PDE1C: variants seen among roughly 807,000 people sequenced by gnomAD.
PDE1C encodes phosphodiesterase 1C, also known as dual specificity calcium/calmodulin-dependent 3',5'-cyclic nucleotide phosphodiesterase 1C.
In PDE1C, 62 loss-of-function variants were observed where a neutral mutation model predicts 93.1. That is an observed-to-expected ratio of 0.67 (90% CI 0.54 to 0.82). The LOEUF (loss-of-function observed/expected upper bound fraction) is 0.82, where lower values mean the gene tolerates loss of function less well. PDE1C is among the 40% of genes least tolerant of loss of function. PDE1C has a pLI of 0.00. For missense variants in PDE1C, 742 were observed against 884.6 expected (o/e 0.84, Z 2.04); for synonymous variants, 325 against 310.1 (o/e 1.05, Z -0.50).
chr7:31,686,817 C>T, the PDE1C span: 2 of 152,282 alleles, frequency 1.3e-5, no homozygotes, highest in East Asian at 1.9e-4. Context: ...CATGATAGTA[C>T]TTTGAGAAGC....
intron 7 of PDE1C, among the ~76,000 whole-genome samples, chr7:31,861,347 C>T (rs1384369575): frequency 4.6e-5 from 7 of 152,098 alleles, no homozygotes; most frequent in Admixed American, 4.6e-4. Flanking sequence ...ACTATCTATT[C>T]ACTCTGTCTT....
chr7:31,634,250 G>C, the PDE1C span, among the ~76,000 whole-genome samples: 1 of 152,128 alleles, frequency 6.6e-6, no homozygotes, highest in Non-Finnish European at 1.5e-5. Context: ...GAAGACACTT[G>C]TGTGCTGAAA....
At chr7:32,142,205 G>A (rs1476329031) in intron 3 of PDE1C, among the ~76,000 whole-genome samples, 1 of 151,984 alleles carries the variant, frequency 6.6e-6, no homozygotes, top group Non-Finnish European at 1.5e-5. Context: ...GGAAGGAGGA[G>A]GAAATAGAGG....
In PDE1C at chr7:31,828,662, G is replaced by C. The variant is rs1029118499; in HGVS notation, c.1204-289C>G. Among the ~76,000 whole-genome samples the C allele has an allele frequency of 3.3e-5, 5 of 152,122 alleles. No homozygotes were observed. The East Asian group carries it at 9.7e-4, about 29-fold the overall frequency. On this transcript the variant is annotated intron_variant, in intron 11 of 17. Transcript: ENST00000396191. ...TGGAAAATAAGGCAACAGGCAATAT[G>C]TCTTGTGGCCTGCAGCCAGCACTGC...
chr7:32,391,056 T>G (rs1396862776), intron 1 of PDE1C, among the ~76,000 whole-genome samples: 1 of 151,966 alleles, frequency 6.6e-6, no homozygotes, highest in Non-Finnish European at 1.5e-5. Flanking sequence ...ACATTAAATA[T>G]GAATACATTA....
intron 2 of PDE1C, among the ~76,000 whole-genome samples, chr7:32,194,571 T>C (rs1171869321): frequency 6.6e-6 from 1 of 152,254 alleles, no homozygotes; most frequent in Non-Finnish European, 1.5e-5. Context: ...CTGCATTTTC[T>C]TCATTCTGAA....
chr7:32,084,334 G>T (rs1291260083), intron 3 of PDE1C, among the ~76,000 whole-genome samples: 2 of 150,980 alleles, frequency 1.3e-5, no homozygotes, highest in East Asian at 2.0e-4. Flanking sequence ...CAATACAGGA[G>T]CACCCAGATT....
chr7:32,070,914 G>T (rs148743262), upstream of PDE1C: 1,787 of 985,294 alleles, frequency 1.8e-3, 40 homozygotes, highest in African/African-American at 0.029. Flanking sequence ...TCCGCCCCGC[G>T]CCCAGCGCCC....
At chr7:32,258,563 C>T (rs187343633) in intron 1 of PDE1C, among the ~76,000 whole-genome samples, 1 of 152,282 alleles carries the variant, frequency 6.6e-6, no homozygotes, top group Admixed American at 6.5e-5. Context: ...TGTGCACATG[C>T]CCAGCACAAT....
intron 16 of PDE1C, among the ~76,000 whole-genome samples, chr7:31,776,296 C>T (rs112304475): frequency 5.9e-5 from 9 of 152,260 alleles, no homozygotes; most frequent in South Asian, 2.1e-4. Flanking sequence ...ACAACAATTG[C>T]GTCGAAGTGT....
chr7:31,951,622 G>A (rs1807392656), intron 2 of PDE1C, among the ~76,000 whole-genome samples: 2 of 152,208 alleles, frequency 1.3e-5, no homozygotes, highest in East Asian at 1.9e-4. Context: ...CTCCCTCAGA[G>A]ACAACCACAC....
At chr7:32,333,684 T>G (rs1783556085) in intron 1 of PDE1C, among the ~76,000 whole-genome samples, 2 of 152,192 alleles carry the variant, frequency 1.3e-5, no homozygotes, top group African/African-American at 4.8e-5. Context: ...CTCATATAAA[T>G]GGAGGAAATA....
intron 1 of PDE1C, among the ~76,000 whole-genome samples, chr7:32,327,673 G>A (rs574951347): frequency 2.6e-5 from 4 of 151,738 alleles, no homozygotes; most frequent in African/African-American, 9.7e-5. Context: ...AGGAGGCTGA[G>A]GCAGGAGAAT....
chr7:31,858,240 T>TG (rs1794261973), intron 7 of PDE1C, among the ~76,000 whole-genome samples: 1 of 152,156 alleles, frequency 6.6e-6, no homozygotes, highest in Non-Finnish European at 1.5e-5. Context: ...CCTTTATGGT[T>TG]GGGAGGGACT....
intron 2 of PDE1C, among the ~76,000 whole-genome samples, chr7:32,003,476 CAATGCTTA>C (rs1785748500): frequency 6.6e-6 from 1 of 152,214 alleles, no homozygotes; most frequent in Non-Finnish European, 1.5e-5. Flanking sequence ...CTGTATAGTA[CAATGCTTA>C]TTGTCTTTAA....
chr7:32,019,688 G>T (rs926413518), intron 2 of PDE1C, among the ~76,000 whole-genome samples: 23 of 151,940 alleles, frequency 1.5e-4, no homozygotes, highest in African/African-American at 5.6e-4. Context: ...CTAGATTCAA[G>T]AACTATTTTA....
Position 32,098,585 on chromosome 7 carries a change from G to A in PDE1C, c.308+71200C>T, listed in dbSNP as rs957921461. Among the ~76,000 whole-genome samples, 4 of 152,126 alleles carry A rather than the reference G, an allele frequency of 2.6e-5. No individual in the cohort carries two copies. The East Asian group carries it at 5.8e-4, about 22-fold the overall frequency. On this transcript the variant is annotated intron_variant, in intron 3 of 18. Transcript: ENST00000396193. ...GAAAGGTAGACACACAGGACATCTG[G>A]ACTGACAATCCACATTTAACTGATT... is the stretch of plus-strand genomic sequence containing the variant.
chr7:31,821,600 G>T (rs912736594), intron 14 of PDE1C, among the ~76,000 whole-genome samples: 3 of 151,990 alleles, frequency 2.0e-5, no homozygotes, highest in African/African-American at 7.3e-5. Flanking sequence ...GACTAGGAGA[G>T]GGTGCACTTA....
At chr7:31,627,751 T>TA in the PDE1C span, among the ~76,000 whole-genome samples, 871 of 151,924 alleles carry the variant, frequency 5.7e-3, 8 homozygotes, top group African/African-American at 0.019. Context: ...CTCAGTCCTC[T>TA]GCACATCTTT....
Sources: allele counts gnomAD v4.1 joint callset (sites outside exome capture counted in the v4.1 genomes callset), GRCh38; gene constraint gnomAD v4.1.1; transcripts MANE v1.5; gene names NCBI Gene and HGNC (gene_info 2026-07-23, HGNC 2026-07-21).